The following ZNF232 variants were observed in gnomAD, a reference collection of about 807,000 sequenced individuals.
ZNF232 encodes zinc finger and SCAN domain-containing protein 11.
ZNF232 carries 25 observed loss-of-function variants against 25.2 expected under a neutral mutation model. The ratio of observed to expected loss-of-function variants is 0.99; its 90% CI spans 0.72 to 1.39. ZNF232 has a LOEUF of 1.39. ZNF232 is among the 40% of genes most tolerant of loss of function. ZNF232 has a pLI of 0.00. For missense variants in ZNF232, 519 were observed against 520.9 expected (o/e 1.00, Z 0.04); for synonymous variants, 193 against 182.9 (o/e 1.06, Z -0.45).
At chr17:5,115,098 C>G (rs1317114590), upstream of ZNF232, 2 of 151,828 alleles carry the variant, frequency 1.3e-5, no homozygotes, top group Non-Finnish European at 1.5e-5. Flanking sequence ...TAGAAGGACC[C>G]CACGTCAAAA....
chr17:5,107,501 G>A (rs960276249), intron 3 of ZNF232, among the ~76,000 whole-genome samples: 1 of 148,886 alleles, frequency 6.7e-6, no homozygotes, highest in Non-Finnish European at 1.5e-5. Context: ...AGCCTAAGGA[G>A]AACAGAAACC....
At chr17:5,115,463 AC>A (rs2072508787), upstream of ZNF232, among the ~76,000 whole-genome samples, 1 of 152,024 alleles carries the variant, frequency 6.6e-6, no homozygotes, top group Admixed American at 6.6e-5. Context: ...AGGCGGGACA[AC>A]AGCTTTAACC....
upstream of ZNF232, chr17:5,113,397 C>G (rs1332893480): frequency 1.3e-5 from 2 of 152,196 alleles, no homozygotes; most frequent in African/African-American, 4.8e-5. Context: ...TGAGAAAACT[C>G]AAGACTCAGA....
intron 1 of ZNF232, 35 bp from the exon 2 acceptor site, chr17:5,109,903 T>C (rs1567758096): frequency 6.5e-7 from 1 of 1,546,496 alleles, no homozygotes. Context: ...CTCTTTTTTT[T>C]TTTTAAGACA....
rs977097051 is a variant in ZNF232 at position 5,121,392 on chromosome 17, C to T, written c.-530+1585G>A. The T allele has an allele frequency of 1.6e-4, 52 of 329,956 alleles. 1 individual carries two copies. The Middle Eastern group carries it at 3.2e-3, about 20-fold the overall frequency. The allele number at this position is 329,956 out of a possible 1,614,324, so 20.4% of individuals were successfully genotyped here. ...CCTTCCAGAGAGAGGGGCTGAACTG[C>T]GAGGTGGCCACCAACACAGAGGCCC... On this transcript the variant is annotated intron_variant, in intron 1 of 4. Transcript: ENST00000250076.
At chr17:5,106,665 GGT>G in intron 3 of ZNF232, 132 bp from the exon 4 acceptor site, 2 of 773,406 alleles carry the variant, frequency 2.6e-6, no homozygotes. Context: ...GTTATCTCTT[GGT>G]GATGGGACTA....
intron 1 of ZNF232, chr17:5,121,372 CAG>C (rs1234707724): frequency 8.8e-6 from 3 of 342,090 alleles, no homozygotes; most frequent in Non-Finnish European, 1.7e-5. Context: ...CTCTGCCTTC[CAG>C]AGAGAGGGGC....
chr17:5,121,283 C>T (rs1411843966), intron 1 of ZNF232: 2 of 358,924 alleles, frequency 5.6e-6, no homozygotes, highest in East Asian at 1.5e-4. Context: ...CCATAGAGGC[C>T]AGGGAGGGGC....
chr17:5,112,516 A>G (rs543728718), upstream of ZNF232, among the ~76,000 whole-genome samples: 20 of 151,622 alleles, frequency 1.3e-4, no homozygotes, highest in African/African-American at 4.6e-4. Context: ...CAGTGGCGCG[A>G]TCTTGGCTCA....
intron 3 of ZNF232, 137 bp downstream of exon 3, chr17:5,108,785 CCTAA>C: frequency 1.5e-6 from 2 of 1,338,572 alleles, no homozygotes; most frequent in Non-Finnish European, 1.0e-6. Flanking sequence ...AAGTCTCTCA[CCTAA>C]GAGATAAGAA....
At position 5,105,858 on chromosome 17, in the gene ZNF232, C is replaced by T. The variant is rs200981387; in HGVS notation, c.1274G>A (p.Arg425Gln). ...AGGCTCTTTTCTGGCATGAACTCTC[C>T]GATGTCTAATGAGCTCTGAGCACCA... is the stretch of plus-strand genomic sequence containing the variant. The change falls in exon 4 of 4, where the codon CGG (arginine) becomes CAG (glutamine). Residue 425 changes from arginine to glutamine, a missense_variant. Transcript: ENST00000575898. 347 of 1,607,336 alleles carry T rather than the reference C, an allele frequency of 2.2e-4. No individual in the cohort carries two copies. The highest frequency in any genetic ancestry group is 2.7e-4 in the Non-Finnish European group (318 of 1,176,574).
exon 2 of ZNF232, chr17:5,109,661 G>T (rs1377710638): frequency 3.1e-6 from 5 of 1,614,096 alleles, no homozygotes; most frequent in Non-Finnish European, 4.2e-6. Context: ...GTTGGCGGAA[G>T]ATCTCTTGAC....
At chr17:5,109,475 C>T (rs761787565) in exon 2 of ZNF232, 2 of 1,614,194 alleles carry the variant, frequency 1.2e-6, no homozygotes, top group East Asian at 2.2e-5. Context: ...GATGTCCCCG[C>T]ACCCAGGATT....
At chr17:5,122,578 C>A (rs1347341328) in intron 1 of ZNF232, among the ~76,000 whole-genome samples, 3 of 152,230 alleles carry the variant, frequency 2.0e-5, no homozygotes, top group East Asian at 1.9e-4. Flanking sequence ...CCTGGGCCCC[C>A]TCCCCAGCCC....
At chr17:5,107,047 C>T (rs1056102227) in intron 3 of ZNF232, among the ~76,000 whole-genome samples, 1 of 151,876 alleles carries the variant, frequency 6.6e-6, no homozygotes, top group Non-Finnish European at 1.5e-5. Context: ...CAGCTCCCTG[C>T]CTCCTATCTG....
chr17:5,108,948 C>T (rs1292403145), exon 3 of ZNF232: 4 of 1,614,004 alleles, frequency 2.5e-6, no homozygotes, highest in Non-Finnish European at 3.4e-6. Flanking sequence ...AAGGCTGGGT[C>T]TCCTTAGGCT....
chr17:5,112,158 G>C, upstream of ZNF232: 1 of 432,668 alleles, frequency 2.3e-6, no homozygotes. Context: ...GGTCTCTTGT[G>C]GAATTGTACC....
upstream of ZNF232, chr17:5,111,942 C>T (rs924220250): frequency 1.4e-6 from 2 of 1,444,270 alleles, no homozygotes; most frequent in Admixed American, 2.3e-5. Flanking sequence ...GGCTTCCGTT[C>T]GCGGACTTTG....
intron 1 of ZNF232, among the ~76,000 whole-genome samples, chr17:5,119,003 G>A (rs1215262169): frequency 6.6e-6 from 1 of 152,224 alleles, no homozygotes; most frequent in African/African-American, 2.4e-5. Context: ...ACTTTGGGCT[G>A]TGGGTTTCAG....
Sources: gnomAD v4.1 joint callset for allele counts (sites outside exome capture counted in the v4.1 genomes callset) on GRCh38, gnomAD v4.1.1 for gene constraint, MANE v1.5 for transcripts, NCBI Gene and HGNC (gene_info 2026-07-23, HGNC 2026-07-21) for gene names.